Variants in NDUFAF5 observed in about 807,000 individuals in gnomAD.
NDUFAF5 encodes the protein NADH:ubiquinone oxidoreductase complex assembly factor 5, also known as arginine-hydroxylase NDUFAF5, mitochondrial.
NDUFAF5 carries 34 observed loss-of-function variants against 48.9 expected under a neutral mutation model. The ratio of observed to expected loss-of-function variants is 0.70; its 90% CI spans 0.53 to 0.93. The LOEUF is 0.93. Ranked by LOEUF, NDUFAF5 falls within the 40% of genes least tolerant of loss-of-function variation. The pLI, the probability that NDUFAF5 is intolerant of heterozygous loss-of-function variation, is 0.00. For missense variants in NDUFAF5, 428 were observed against 427.5 expected, an observed-to-expected ratio of 1.00 and a Z score of -0.01; for synonymous variants, 153 against 150.6, an observed-to-expected ratio of 1.02 and a Z score of -0.12.
intron 1 of NDUFAF5, among the ~76,000 whole-genome samples, chr20:13,786,265 G>T (rs958924961): frequency 6.6e-6 from 1 of 152,126 alleles, no homozygotes; most frequent in Non-Finnish European, 1.5e-5. Flanking sequence ...TGATTGACAG[G>T]GTGTCTTTCT....
rs1456099276 is a variant in NDUFAF5, at chr20:13,819,376, A to G, written c.*2166A>G. The G allele has an allele frequency of 6.6e-6, 1 of 151,620 alleles. No individual in the cohort carries two copies. The highest frequency in any genetic ancestry group is 2.4e-5 in the African/African-American group (1 of 41,248). 9.4% of individuals were successfully genotyped at this position (151,620 alleles called of 1,614,324 possible). A position where few individuals can be genotyped will look rare whatever the true frequency, so the allele number is the denominator to read the frequency against. On this transcript the variant is annotated 3_prime_UTR_variant, in exon 11 of 11. Transcript: ENST00000378106. ...GGTTTATTTTTTTATTTTTTATTTT[A>G]TTTTATTTTTTGAGACGGAGTCTCG...
chr20:13,789,417 G>A (rs947220523), intron 3 of NDUFAF5, among the ~76,000 whole-genome samples: 1 of 151,734 alleles, frequency 6.6e-6, no homozygotes, highest in Non-Finnish European at 1.5e-5. Flanking sequence ...CGCCTGTCTC[G>A]GCATCCCAAA....
At chr20:13,789,632 C>T (rs1286801743) in intron 3 of NDUFAF5, among the ~76,000 whole-genome samples, 3 of 151,998 alleles carry the variant, frequency 2.0e-5, no homozygotes, top group Admixed American at 6.6e-5. Context: ...CCCGCCACCA[C>T]GCCTGGCTAA....
intron 8 of NDUFAF5, among the ~76,000 whole-genome samples, chr20:13,815,579 A>G (rs1986363006): frequency 6.6e-6 from 1 of 152,234 alleles, no homozygotes; most frequent in African/African-American, 2.4e-5. Flanking sequence ...AAAATATGGT[A>G]GATTATTATT....
intron 4 of NDUFAF5, among the ~76,000 whole-genome samples, chr20:13,794,127 AT>A (rs1343814530): frequency 3.3e-5 from 5 of 152,112 alleles, no homozygotes; most frequent in Non-Finnish European, 7.3e-5. Context: ...GAAGTTTTTA[AT>A]TAGTTTATCA....
rs1986662681 is a variant in NDUFAF5, at chr20:13,817,837, A to G, written c.*627A>G. On this transcript the variant is annotated 3_prime_UTR_variant, in exon 11 of 11. Coordinates refer to ENST00000378106, the MANE Select transcript of NDUFAF5 (RefSeq NM_024120.5). ...AGTTTATTGTTAAGCTTTCCTTTGT[A>G]ATTTCAGGGCTTAAGCACTATTATC... is the stretch of plus-strand genomic sequence containing the variant. 2 of 453,860 alleles carry G rather than the reference A, an allele frequency of 4.4e-6. No homozygotes were observed. Among genetic ancestry groups the G allele is most frequent in the Admixed American group, 4.7e-5 (2 of 42,542 alleles). The allele number at this position is 453,860 out of a possible 1,614,324, so 28.1% of individuals were successfully genotyped here.
At chr20:13,809,327 G>A (rs1230752565) in intron 8 of NDUFAF5, among the ~76,000 whole-genome samples, 2 of 152,126 alleles carry the variant, frequency 1.3e-5, no homozygotes, top group African/African-American at 2.4e-5. Context: ...TTGTCAGGGG[G>A]AAATGTCCCA....
chr20:13,788,524 A>G (rs1981603788), intron 2 of NDUFAF5, 65 bp from the exon 3 acceptor site: 1 of 1,291,134 alleles, frequency 7.7e-7, no homozygotes, highest in Non-Finnish European at 1.1e-6. Context: ...TACCTAAGAA[A>G]AAATAATTCT....
In NDUFAF5 at chr20:13,798,473, G is replaced by A. The variant is rs1387127688; in HGVS notation, c.492G>A (p.Val164=). 6.8e-6 allele frequency: 11 copies of A among 1,611,446 alleles called. No homozygotes were observed. Among genetic ancestry groups the A allele is most frequent in the Non-Finnish European group, 9.3e-6 (11 of 1,177,842 alleles). Residue 164 remains valine (V), a synonymous_variant, in exon 6 of 11, where the codon GTG becomes GTA. Transcript: ENST00000378106. ...LVVSSLSLHW[V]NDLPRALEQI... Reference sequence around the variant, plus strand: ...TCTCATATTTTAGTTTGCATTGGGTGAATGACCTTCCTAGAGCACTTGAGC... The same window carrying A: ...TCTCATATTTTAGTTTGCATTGGGTAAATGACCTTCCTAGAGCACTTGAGC...
chr20:13,801,695 G>A lies in NDUFAF5; in HGVS notation c.717+12G>A. On this transcript the variant is annotated intron_variant, in intron 7 of 10. Coordinates refer to ENST00000378106, the MANE Select transcript of NDUFAF5 (RefSeq NM_024120.5). Reference sequence around the variant, plus strand: ...ATACTCTGACTGTGGTAACTATCAAGTTCGATTAACCCATAACTTACACAG... The same window carrying A: ...ATACTCTGACTGTGGTAACTATCAAATTCGATTAACCCATAACTTACACAG... 6.2e-7 allele frequency: 1 copy of A among 1,609,582 alleles called. No individual in the cohort carries two copies. The highest frequency in any genetic ancestry group is 1.1e-5 in the South Asian group (1 of 90,994).
chr20:13,816,592 C>A, intron 9 of NDUFAF5, 46 bp downstream of exon 9: 1 of 1,467,964 alleles, frequency 6.8e-7, no homozygotes, highest in Non-Finnish European at 9.5e-7. Flanking sequence ...GGCACTTGTG[C>A]TGTATCATGT....
In NDUFAF5 at chr20:13,801,743, T is replaced by C. The variant is rs1984179142; in HGVS notation, c.717+60T>C. ...CAGTTCAAAAAAGAACTTCTTATCA[T>C]TTTAAAGATAGAAAACTGTATGTGT... On this transcript the variant is annotated intron_variant, in intron 7 of 10. Coordinates refer to ENST00000378106, the MANE Select transcript of NDUFAF5 (RefSeq NM_024120.5). The C allele has an allele frequency of 3.2e-5, 46 of 1,439,430 alleles. No individual in the cohort carries two copies. In the South Asian group the frequency reaches 3.7e-4, roughly 12 times the overall value. 89.2% of individuals were successfully genotyped at this position (1,439,430 alleles called of 1,614,324 possible).
At position 13,821,058 on chromosome 20, in the gene NDUFAF5, A is replaced by T. The variant is rs1025725356; in HGVS notation, c.*3848A>T. 2.0e-5 allele frequency: 3 copies of T among 152,242 alleles called. No homozygotes were observed. Among genetic ancestry groups the T allele is most frequent in the African/African-American group, 7.2e-5 (3 of 41,464 alleles). 9.4% of individuals were successfully genotyped at this position (152,242 alleles called of 1,614,324 possible). On this transcript the variant is annotated 3_prime_UTR_variant, in exon 11 of 11. Transcript: ENST00000378106. ...TACCATGCTGGTTTAAAAAACATCA[A>T]TTTGAAAATACTAGAAGGTGGGGTG...
chr20:13,808,358 C>T (rs1985376784), intron 7 of NDUFAF5, among the ~76,000 whole-genome samples: 1 of 152,132 alleles, frequency 6.6e-6, no homozygotes, highest in African/African-American at 2.4e-5. Flanking sequence ...ACAAACTCCA[C>T]ATGTATCAGC....
intron 3 of NDUFAF5, 92 bp downstream of exon 3, chr20:13,788,744 T>C (rs1050757591): frequency 2.5e-6 from 2 of 815,436 alleles, no homozygotes; most frequent in South Asian, 1.6e-5. Flanking sequence ...TTGCAACATA[T>C]TTAGATTTTA....
chr20:13,801,531 T>A lies in NDUFAF5; in HGVS notation c.565T>A (p.Phe189Ile). 6.2e-7 allele frequency: 1 copy of A among 1,614,010 alleles called. No homozygotes were observed. The change falls in exon 7 of 11, where the codon TTT (phenylalanine) becomes ATT (isoleucine). Residue 189 changes from phenylalanine to isoleucine, a missense_variant. Physicochemically the swap from Phe to Ile is conservative, Grantham distance 21. Transcript: ENST00000378106. ...KPDGVFIGAM[F>I]GGDTLYELRC... ...AGATGGAGTGTTTATCGGTGCAATGTTTGGAGGCGACACACTCTATGAACT... is the reference window on the plus strand; with the variant it reads ...AGATGGAGTGTTTATCGGTGCAATGATTGGAGGCGACACACTCTATGAACT...
chr20:13,807,770 C>T (rs1032610204), intron 7 of NDUFAF5, among the ~76,000 whole-genome samples: 5 of 150,954 alleles, frequency 3.3e-5, no homozygotes, highest in African/African-American at 4.9e-5. Flanking sequence ...GGTGAAAGCC[C>T]GTCTCTACTA....
At chr20:13,786,404 T>C (rs1600311167) in intron 1 of NDUFAF5, among the ~76,000 whole-genome samples, 1 of 152,228 alleles carries the variant, frequency 6.6e-6, no homozygotes, top group African/African-American at 2.4e-5. Context: ...TGTGCGCTCA[T>C]AGCCCTTTCC....
rs548697417 is a variant in NDUFAF5 at position 13,807,810 on chromosome 20, A to G, written c.718-1032A>G. 1.2e-4 allele frequency among the ~76,000 whole-genome samples: 18 copies of G among 151,838 alleles called. No homozygotes were observed. The South Asian group carries it at 3.7e-3, about 32-fold the overall frequency. ...TACAAAAAAAAAAAATTAGCTGGGC[A>G]CGGTGGCAGGCGCCTGTAATCCCAG... On this transcript the variant is annotated intron_variant, in intron 7 of 10. Transcript: ENST00000378106.
Sources: gnomAD v4.1 joint callset for allele counts (sites outside exome capture counted in the v4.1 genomes callset) on GRCh38, gnomAD v4.1.1 for gene constraint, MANE v1.5 for transcripts, NCBI Gene and HGNC (gene_info 2026-07-23, HGNC 2026-07-21) for gene names.